GOSR1: variants seen among roughly 807,000 people sequenced by gnomAD.
GOSR1 encodes the protein 28 kDa Golgi SNARE protein.
In GOSR1, 21 loss-of-function variants were observed where a neutral mutation model predicts 35.5. The ratio of observed to expected loss-of-function variants is 0.59; its 90% CI spans 0.42 to 0.85. GOSR1 has a LOEUF of 0.85. GOSR1 is among the 40% of genes least tolerant of loss of function. The pLI is 0.00. For missense variants in GOSR1, 285 were observed against 309.6 expected, an observed-to-expected ratio of 0.92 and a Z score of 0.60; for synonymous variants, 94 against 106.6, an observed-to-expected ratio of 0.88 and a Z score of 0.73.
In GOSR1 at chr17:30,523,524, TG is replaced by T. The variant is rs1235899241; in HGVS notation, c.*1153del. ...GCAGCTGCCCCGTCCGGGAGGGAGG[TG>T]GGGGGGTCAGCCCCCCGCCCGGCCA... On this transcript the variant is annotated 3_prime_UTR_variant, in exon 9 of 9. Coordinates refer to ENST00000451249, the MANE Select transcript of GOSR1 (RefSeq NM_001007025.2). The T allele has an allele frequency of 1.4e-5, 2 of 145,382 alleles. No individual in the cohort carries two copies. The highest frequency in any genetic ancestry group is 7.0e-5 in the Admixed American group (1 of 14,358). The allele number at this position is 145,382 out of a possible 1,614,324, so 9.0% of individuals were successfully genotyped here.
chr17:30,486,039 AAGT>A (rs1387185879), intron 4 of GOSR1, among the ~76,000 whole-genome samples: 55 of 151,858 alleles, frequency 3.6e-4, no homozygotes, highest in Non-Finnish European at 6.5e-4. Flanking sequence ...AAAAAAAAAA[AAGT>A]AGGAATAGAA....
chr17:30,517,892 C>T (rs930769861), intron 7 of GOSR1, among the ~76,000 whole-genome samples: 2 of 152,136 alleles, frequency 1.3e-5, no homozygotes, highest in African/African-American at 4.8e-5. Flanking sequence ...CTCTGTGAGA[C>T]CTTACCTGGC....
Position 30,481,208 on chromosome 17 carries a change from C to A in GOSR1, c.97C>A (p.Leu33Ile). 1 of 1,604,642 alleles carries A rather than the reference C, an allele frequency of 6.2e-7. No individual in the cohort carries two copies. Among genetic ancestry groups the A allele is most frequent in the Non-Finnish European group, 8.5e-7 (1 of 1,171,346 alleles). The change falls in exon 2 of 9, where the codon CTA becomes ATA. Residue 33 changes from leucine (L) to isoleucine (I), a missense_variant. By Grantham distance (5) the Leu-to-Ile change is conservative. Coordinates refer to ENST00000451249, the MANE Select transcript of GOSR1 (RefSeq NM_001007025.2). ...CCTGAAACTAGTTTCCTTCAGCAAA[C>A]TATGTACAAGTTACAGTCATAGCAG... ...LDLKLVSFSK[L>I]CTSYSHSSTR...
At chr17:30,513,672 C>T (rs1967695831) in intron 7 of GOSR1, among the ~76,000 whole-genome samples, 1 of 152,132 alleles carries the variant, frequency 6.6e-6, no homozygotes, top group African/African-American at 2.4e-5. Context: ...AGAAGCAGGC[C>T]CAGCATGGTG....
At chr17:30,486,375 G>A (rs1375471272) in intron 4 of GOSR1, among the ~76,000 whole-genome samples, 2 of 152,034 alleles carry the variant, frequency 1.3e-5, no homozygotes, top group East Asian at 3.9e-4. Context: ...AAATTAGCGG[G>A]GCGTGGTGGT....
At chr17:30,488,100 A>G (rs906251987) in intron 4 of GOSR1, among the ~76,000 whole-genome samples, 1 of 70,302 alleles carries the variant, frequency 1.4e-5, no homozygotes, top group African/African-American at 7.0e-5. Flanking sequence ...ATTGCTAGTC[A>G]TTTACTCCTT....
At position 30,526,105 on chromosome 17, in the gene GOSR1, C is replaced by CT. The variant is rs2143981496; in HGVS notation, c.*3730dup. On this transcript the variant is annotated 3_prime_UTR_variant, in exon 9 of 9. Coordinates refer to ENST00000451249, the MANE Select transcript of GOSR1 (RefSeq NM_001007025.2). ...TAACTTTTTTGTTTAACCACCTTGGCTTTCTCTCCTTTTTTGCTGTCCTCC... is the reference window on the plus strand; with the variant it reads ...TAACTTTTTTGTTTAACCACCTTGGCTTTTCTCTCCTTTTTTGCTGTCCTCC... The CT allele has an allele frequency of 6.6e-6, 1 of 152,328 alleles. No individual in the cohort carries two copies. Among genetic ancestry groups the CT allele is most frequent in the East Asian group, 1.9e-4 (1 of 5,188 alleles). 9.4% of individuals were successfully genotyped at this position (152,328 alleles called of 1,614,324 possible).
chr17:30,495,008 T>C (rs1454900089), intron 6 of GOSR1, among the ~76,000 whole-genome samples: 3 of 150,114 alleles, frequency 2.0e-5, no homozygotes, highest in African/African-American at 7.4e-5. Flanking sequence ...GCCAACATGG[T>C]GAAAACCCAT....
At chr17:30,521,622 G>T (rs968086255) in intron 8 of GOSR1, among the ~76,000 whole-genome samples, 2 of 151,970 alleles carry the variant, frequency 1.3e-5, no homozygotes, top group Non-Finnish European at 2.9e-5. Context: ...ATGGGTGTGG[G>T]TCAGGGCTAA....
intron 6 of GOSR1, among the ~76,000 whole-genome samples, chr17:30,499,992 AG>A (rs1967144539): frequency 1.3e-5 from 2 of 152,254 alleles, no homozygotes; most frequent in South Asian, 4.1e-4. Context: ...TTCTTTAGTA[AG>A]GGGGTCTGTT....
chr17:30,486,043 A>G (rs1165642680), intron 4 of GOSR1, among the ~76,000 whole-genome samples: 3 of 150,144 alleles, frequency 2.0e-5, no homozygotes, highest in East Asian at 3.9e-4. Context: ...AAAAAAAAGT[A>G]GGAATAGAAA....
At chr17:30,505,245 TAG>T (rs1459917649) in intron 6 of GOSR1, among the ~76,000 whole-genome samples, 1 of 152,202 alleles carries the variant, frequency 6.6e-6, no homozygotes, top group African/African-American at 2.4e-5. Context: ...TAAGAAATAA[TAG>T]AGAGAGGCCG....
At chr17:30,522,184 T>C in intron 8 of GOSR1, 70 bp from the exon 9 acceptor site, 1 of 1,297,646 alleles carries the variant, frequency 7.7e-7, no homozygotes, top group South Asian at 1.5e-5. Flanking sequence ...GATCTCTATT[T>C]TTGTGATTCC....
rs774381663 is a variant in GOSR1 at position 30,522,269 on chromosome 17, T to A, written c.638T>A (p.Val213Glu). 6.2e-7 allele frequency: 1 copy of A among 1,605,218 alleles called. No homozygotes were observed. The highest frequency in any genetic ancestry group is 8.5e-7 in the Non-Finnish European group (1 of 1,176,566). Residue 213 changes from valine to glutamate, a missense_variant, in exon 9 of 9, where the codon GTA becomes GAA. This residue lies in a region of GOSR1 where 168 missense variants were observed against 183.2 expected (regional missense o/e 0.92). Coordinates refer to ENST00000451249, the MANE Select transcript of GOSR1 (RefSeq NM_001007025.2). ...TTTCCCAAAGATCGTTTTCCTGCTG[T>A]AAACAGCCTGATCCAGAGGATCAAC... The part of the protein sequence containing the change: ...MNTLANRFPA[V>E]NSLIQRINLR...
intron 6 of GOSR1, among the ~76,000 whole-genome samples, chr17:30,509,040 A>G (rs1967516996): frequency 1.3e-5 from 2 of 152,212 alleles, no homozygotes; most frequent in Admixed American, 6.5e-5. Flanking sequence ...CAGTGGCGCA[A>G]TCTCGGCTCA....
intron 1 of GOSR1, chr17:30,480,190 C>G (rs997241132): frequency 2.6e-5 from 4 of 151,794 alleles, no homozygotes; most frequent in African/African-American, 9.7e-5. Flanking sequence ...GCCTGTAGTC[C>G]CAGCTACTTG....
At chr17:30,500,080 C>T (rs1199788699) in intron 6 of GOSR1, among the ~76,000 whole-genome samples, 2 of 152,012 alleles carry the variant, frequency 1.3e-5, no homozygotes, top group Non-Finnish European at 2.9e-5. Flanking sequence ...GATGTAAGTC[C>T]TTTGTCAGAT....
In GOSR1 at chr17:30,525,812, T is replaced by G. The variant is rs1021015195; in HGVS notation, c.*3434T>G. On this transcript the variant is annotated 3_prime_UTR_variant, in exon 9 of 9. Coordinates refer to ENST00000451249, the MANE Select transcript of GOSR1 (RefSeq NM_001007025.2). ...AGTAATGGAATTATGTTGGTTATTT[T>G]CTTTATGAAAATAAACCAGTTCTTC... The G allele has an allele frequency of 6.6e-6, 1 of 152,210 alleles. No homozygotes were observed. Among genetic ancestry groups the G allele is most frequent in the Non-Finnish European group, 1.5e-5 (1 of 68,036 alleles). 9.4% of individuals were successfully genotyped at this position (152,210 alleles called of 1,614,324 possible).
intron 4 of GOSR1, chr17:30,485,238 G>A (rs1467428621): frequency 5.5e-6 from 1 of 183,324 alleles, no homozygotes; most frequent in Non-Finnish European, 1.2e-5. Context: ...TGGAGGATAT[G>A]TTAAAAATAT....
Sources: allele counts gnomAD v4.1 joint callset (sites outside exome capture counted in the v4.1 genomes callset), GRCh38; gene constraint gnomAD v4.1.1; regional missense constraint gnomAD v4.1.1; transcripts MANE v1.5; gene names NCBI Gene and HGNC (gene_info 2026-07-23, HGNC 2026-07-21).